Variants in NCS1 observed in about 807,000 individuals in gnomAD.
NCS1 encodes frequenin homolog.
NCS1 carries 6 observed loss-of-function variants against 28.4 expected under a neutral mutation model. The observed-to-expected ratio is 0.21, with a 90% confidence interval of 0.12 to 0.42. The LOEUF (loss-of-function observed/expected upper bound fraction) is 0.42, where lower values mean the gene tolerates loss of function less well. Among genes scored for constraint, NCS1 ranks in the 10% least tolerant of loss-of-function variants. The probability of loss-of-function intolerance (pLI) is 1.00; values close to 1 mark genes in which losing one functional copy is unlikely to be tolerated. For synonymous variants in NCS1, 86 were observed against 99.3 expected (o/e 0.87, Z 0.79); for missense variants, 131 against 241.4 (o/e 0.54, Z 3.03).
At chr9:130,224,627 G>A (rs1554911148) in intron 6 of NCS1, among the ~76,000 whole-genome samples, 1 of 151,696 alleles carries the variant, frequency 6.6e-6, no homozygotes, top group East Asian at 1.9e-4. Context: ...GTGAGAGGAG[G>A]GTGAGGATCG....
chr9:130,189,904 A>ATATATATATATATATATATATATG (rs1324463526), intron 1 of NCS1, among the ~76,000 whole-genome samples: 1 of 131,484 alleles, frequency 7.6e-6, no homozygotes, highest in African/African-American at 3.1e-5. Context: ...ATATATATAT[A>ATATATATATATATATATATATATG]TATATTCCCA....
rs782019947 is a variant in NCS1 at position 130,232,065 on chromosome 9, G to A, written c.*18-925G>A. 3.1e-4 allele frequency among the ~76,000 whole-genome samples: 47 copies of A among 152,042 alleles called. 1 individual carries two copies. The highest frequency in any genetic ancestry group is 1.0e-4 in the Non-Finnish European group (7 of 68,020). ...AGGTTCAAGTCATTCTCCTGTCTGA[G>A]CCTCCCAAGCAGCTGGAATTATAGG... On this transcript the variant is annotated intron_variant, in intron 7 of 7. Transcript: ENST00000372398. This position sits in a 1 kb window ranked among gnomAD's most constrained non-coding sequence, Gnocchi z 4.4.
chr9:130,224,447 ACTC>A (rs1554911109), intron 6 of NCS1, among the ~76,000 whole-genome samples: 3 of 149,084 alleles, frequency 2.0e-5, no homozygotes, highest in African/African-American at 7.5e-5. Context: ...AATCCCAGCT[ACTC>A]GGGAGGCTGA....
Position 130,181,973 on chromosome 9 carries a change from G to A in NCS1, c.64+9246G>A, listed in dbSNP as rs1221368652. Among the ~76,000 whole-genome samples the A allele has an allele frequency of 6.6e-6, 1 of 152,012 alleles. No individual in the cohort carries two copies. The highest frequency in any genetic ancestry group is 1.5e-5 in the Non-Finnish European group (1 of 67,966). Reference sequence around the variant, plus strand: ...GAGGCACAGACAGGCCGGGAGCCGCGCCAAAGGCTGGGAGCTCAGCTGCCA... The same window carrying A: ...GAGGCACAGACAGGCCGGGAGCCGCACCAAAGGCTGGGAGCTCAGCTGCCA... On this transcript the variant is annotated intron_variant, in intron 1 of 7. Coordinates refer to ENST00000372398, the MANE Select transcript of NCS1 (RefSeq NM_014286.4). This position sits in a 1 kb window ranked among gnomAD's most constrained non-coding sequence, Gnocchi z 5.0.
chr9:130,182,481 C>T (rs1405140104), intron 1 of NCS1, among the ~76,000 whole-genome samples: 1 of 152,226 alleles, frequency 6.6e-6, no homozygotes, highest in Non-Finnish European at 1.5e-5. Flanking sequence ...CCGCTGGTTC[C>T]AGAGGTTCTG....
At chr9:130,198,586 A>T (rs1832904408) in intron 1 of NCS1, among the ~76,000 whole-genome samples, 1 of 152,218 alleles carries the variant, frequency 6.6e-6, no homozygotes, top group Non-Finnish European at 1.5e-5. Flanking sequence ...ACAAATAAGC[A>T]GACCCATTGG....
At chr9:130,179,794 C>T (rs968244746) in intron 1 of NCS1, among the ~76,000 whole-genome samples, 11 of 152,176 alleles carry the variant, frequency 7.2e-5, no homozygotes, top group African/African-American at 2.7e-4. Context: ...TATCTTTCAG[C>T]TGGAGGAGAC....
intron 5 of NCS1, among the ~76,000 whole-genome samples, 167 bp from the exon 6 acceptor site, chr9:130,222,915 G>A (rs192320809): frequency 1.3e-3 from 197 of 151,558 alleles, no homozygotes; most frequent in Non-Finnish European, 2.1e-3. Flanking sequence ...GGTAGATAGT[G>A]GGGCTGGGGT....
chr9:130,209,970 G>A lies in NCS1; in HGVS notation c.90-7862G>A, dbSNP rs372553576. Among the ~76,000 whole-genome samples, 76 of 152,166 alleles carry A rather than the reference G, an allele frequency of 5.0e-4. No homozygotes were observed. Among genetic ancestry groups the A allele is most frequent in the African/African-American group, 1.8e-3 (73 of 41,508 alleles). On this transcript the variant is annotated intron_variant, in intron 2 of 7. Transcript: ENST00000372398. This position sits in a 1 kb window ranked among gnomAD's most constrained non-coding sequence, Gnocchi z 4.4. ...CAAAGGGGTCTCTGGACCCCAAAGAGTTAAGACCCTGTTCGCGAACAAGGT... is the reference window on the plus strand; with the variant it reads ...CAAAGGGGTCTCTGGACCCCAAAGAATTAAGACCCTGTTCGCGAACAAGGT...
chr9:130,204,123 G>C (rs1248962984), intron 2 of NCS1, among the ~76,000 whole-genome samples: 1 of 152,076 alleles, frequency 6.6e-6, no homozygotes, highest in African/African-American at 2.4e-5. Flanking sequence ...CTCCCAAGTA[G>C]CTGGGATTAC....
chr9:130,200,468 G>A, intron 1 of NCS1: 5 of 1,041,492 alleles, frequency 4.8e-6, no homozygotes, highest in Non-Finnish European at 5.8e-6. Context: ...GGCTGACAGG[G>A]AGGGTGGTCC....
rs1564703842 is a variant in NCS1 at position 130,186,590 on chromosome 9, C to T, written c.64+13863C>T. Among the ~76,000 whole-genome samples the T allele has an allele frequency of 6.6e-6, 1 of 152,084 alleles. No homozygotes were observed. Among genetic ancestry groups the T allele is most frequent in the South Asian group, 2.1e-4 (1 of 4,820 alleles). On this transcript the variant is annotated intron_variant, in intron 1 of 7. Coordinates refer to ENST00000372398, the MANE Select transcript of NCS1 (RefSeq NM_014286.4). This position sits in a 1 kb window ranked among gnomAD's most constrained non-coding sequence, Gnocchi z 4.1. ...GTCAGTCCTCACCTTCCAGGGCTCC[C>T]GAACCCCCAGCCCCAGGAAGGGGTG...
rs1328655587 is a variant in NCS1 at position 130,209,675 on chromosome 9, T to C, written c.90-8157T>C. On this transcript the variant is annotated intron_variant, in intron 2 of 7. Coordinates refer to ENST00000372398, the MANE Select transcript of NCS1 (RefSeq NM_014286.4). The surrounding 1 kb of genome is among the most constrained non-coding windows in gnomAD (Gnocchi z 4.4). Reference sequence around the variant, plus strand: ...TGTGGGAGGAGACCCAGCGCTGGCGTGGGAACTGTTTTGCAAGTGGTAGTC... The same window carrying C: ...TGTGGGAGGAGACCCAGCGCTGGCGCGGGAACTGTTTTGCAAGTGGTAGTC... 6.6e-6 allele frequency among the ~76,000 whole-genome samples: 1 copy of C among 152,016 alleles called. No homozygotes were observed. Among genetic ancestry groups the C allele is most frequent in the Non-Finnish European group, 1.5e-5 (1 of 67,986 alleles).
At chr9:130,205,287 G>A (rs1833008644) in intron 2 of NCS1, among the ~76,000 whole-genome samples, 1 of 152,132 alleles carries the variant, frequency 6.6e-6, no homozygotes, top group South Asian at 2.1e-4. Context: ...AAGGAGGCTG[G>A]CTTGAGGGGG....
intron 1 of NCS1, among the ~76,000 whole-genome samples, chr9:130,185,825 C>A (rs1032399599): frequency 2.0e-5 from 3 of 152,290 alleles, no homozygotes; most frequent in Admixed American, 2.0e-4. Context: ...CGCCCAGCAG[C>A]CCACACAGCC....
chr9:130,178,667 G>T (rs1832609494), intron 1 of NCS1, among the ~76,000 whole-genome samples: 1 of 152,068 alleles, frequency 6.6e-6, no homozygotes, highest in Admixed American at 6.6e-5. Flanking sequence ...CATTAGATTT[G>T]GGTTTAGAAA....
rs1833081913 is a variant in NCS1 at position 130,209,530 on chromosome 9, A to G, written c.90-8302A>G. Among the ~76,000 whole-genome samples, 1 of 152,182 alleles carries G rather than the reference A, an allele frequency of 6.6e-6. No homozygotes were observed. Among genetic ancestry groups the G allele is most frequent in the African/African-American group, 2.4e-5 (1 of 41,444 alleles). On this transcript the variant is annotated intron_variant, in intron 2 of 7. Coordinates refer to ENST00000372398, the MANE Select transcript of NCS1 (RefSeq NM_014286.4). This position sits in a 1 kb window ranked among gnomAD's most constrained non-coding sequence, Gnocchi z 4.4. ...CTTGACTGAGCACCTACTCTATGCCAGGCCAGTGCCGGTTGCGGGCGGGCA... is the reference window on the plus strand; with the variant it reads ...CTTGACTGAGCACCTACTCTATGCCGGGCCAGTGCCGGTTGCGGGCGGGCA...
intron 7 of NCS1, among the ~76,000 whole-genome samples, chr9:130,231,040 T>C (rs185327475): frequency 1.3e-5 from 2 of 152,200 alleles, no homozygotes; most frequent in Admixed American, 6.5e-5. Context: ...CCCATTGTAA[T>C]AGGTTGATAG....
At chr9:130,213,143 G>A (rs560422447) in intron 2 of NCS1, among the ~76,000 whole-genome samples, 184 of 152,350 alleles carry the variant, frequency 1.2e-3, no homozygotes, top group Admixed American at 2.8e-3. Context: ...CGGGGAGCCT[G>A]GGAGGCAGGA....
Sources: gnomAD v4.1 joint callset for allele counts (sites outside exome capture counted in the v4.1 genomes callset) on GRCh38, gnomAD v4.1.1 for gene constraint, Gnocchi (gnomAD v3.1) non-coding constraint, MANE v1.5 for transcripts, NCBI Gene and HGNC (gene_info 2026-07-23, HGNC 2026-07-21) for gene names.